Variants in BRINP3 observed in about 807,000 individuals in gnomAD.
The protein encoded by BRINP3 is BMP/retinoic acid inducible neural specific 3.
Under a neutral mutation model 71.0 loss-of-function variants are expected in BRINP3, and 19 were observed. The ratio of observed to expected loss-of-function variants is 0.27; its 90% confidence interval spans 0.19 to 0.39. The LOEUF (loss-of-function observed/expected upper bound fraction) is 0.39, where lower values mean the gene tolerates loss of function less well. Ranked by LOEUF, BRINP3 falls within the 10% of genes least tolerant of loss-of-function variation. The pLI, the probability that BRINP3 is intolerant of heterozygous loss-of-function variation, is 1.00. For missense variants in BRINP3, 959 were observed against 940.8 expected, an observed-to-expected ratio of 1.02 and a Z score of -0.25; for synonymous variants, 380 against 337.7, an observed-to-expected ratio of 1.13 and a Z score of -1.37.
chr1:190,339,688 T>TA (rs1304857915), intron 2 of BRINP3, among the ~76,000 whole-genome samples: 1 of 151,908 alleles, frequency 6.6e-6, no homozygotes, highest in African/African-American at 2.4e-5. Context: ...CCGTACTATT[T>TA]AAAAAATATT....
chr1:190,388,100 G>A (rs1186644283), intron 2 of BRINP3, among the ~76,000 whole-genome samples: 3 of 151,684 alleles, frequency 2.0e-5, no homozygotes, highest in Non-Finnish European at 2.9e-5. Flanking sequence ...ATATATGTGC[G>A]AGTAGAGGCT....
chr1:190,344,983 G>T (rs2103125103), intron 2 of BRINP3, among the ~76,000 whole-genome samples: 1 of 151,908 alleles, frequency 6.6e-6, no homozygotes, highest in South Asian at 2.1e-4. Context: ...TATTGAATAT[G>T]CATTACGTAC....
At chr1:190,345,930 T>C (rs1435511285) in intron 2 of BRINP3, among the ~76,000 whole-genome samples, 1 of 151,884 alleles carries the variant, frequency 6.6e-6, no homozygotes, top group Non-Finnish European at 1.5e-5. Flanking sequence ...AAAATAAAGA[T>C]AGCTTAAATA....
intron 2 of BRINP3, among the ~76,000 whole-genome samples, chr1:190,332,094 T>G (rs2103082802): frequency 6.6e-6 from 1 of 152,182 alleles, no homozygotes; most frequent in Non-Finnish European, 1.5e-5. Flanking sequence ...TTTTAAGCTA[T>G]TTTTTCCAAT....
At chr1:190,220,054 T>TG (rs1461366505) in intron 6 of BRINP3, among the ~76,000 whole-genome samples, 1 of 151,754 alleles carries the variant, frequency 6.6e-6, no homozygotes, top group African/African-American at 2.4e-5. Flanking sequence ...AAATAAATAA[T>TG]GAAAAACTGT....
At chr1:190,297,197 T>C (rs931209893) in intron 2 of BRINP3, among the ~76,000 whole-genome samples, 2 of 152,032 alleles carry the variant, frequency 1.3e-5, no homozygotes, top group Non-Finnish European at 1.5e-5. Context: ...GGTACTTGTA[T>C]AACAAGACAC....
intron 6 of BRINP3, among the ~76,000 whole-genome samples, chr1:190,192,789 C>A (rs1439054137): frequency 6.6e-6 from 1 of 151,962 alleles, no homozygotes; most frequent in Non-Finnish European, 1.5e-5. Flanking sequence ...TTCTGCAAAC[C>A]AGGCTCAATA....
At chr1:190,459,928 C>G (rs1318355036) in intron 1 of BRINP3, among the ~76,000 whole-genome samples, 1 of 151,848 alleles carries the variant, frequency 6.6e-6, no homozygotes, top group Non-Finnish European at 1.5e-5. Flanking sequence ...TATTATCACT[C>G]TCTGTCTCTT....
At chr1:190,177,308 G>A (rs906174922) in intron 6 of BRINP3, among the ~76,000 whole-genome samples, 5 of 147,782 alleles carry the variant, frequency 3.4e-5, no homozygotes, top group Non-Finnish European at 3.0e-5. Flanking sequence ...GACTACAGGC[G>A]CCCATTACCA....
At position 190,101,931 on chromosome 1, in the gene BRINP3, T is replaced by C. The variant is rs146567649; in HGVS notation, c.1185-2797A>G. Among the ~76,000 whole-genome samples, 522 of 152,308 alleles carry C rather than the reference T, an allele frequency of 3.4e-3. 4 individuals carry two copies. The highest frequency in any genetic ancestry group is 0.012 in the African/African-American group (497 of 41,580). On this transcript the variant is annotated intron_variant, in intron 7 of 7. Transcript: ENST00000367462. ...CTTTGCATGTCTGGCAAATACATTA[T>C]GGAAGGAAAGCGTTTCGGCTGTTGG...
chr1:190,301,194 T>TATACAC (rs1273747512), intron 2 of BRINP3, among the ~76,000 whole-genome samples: 1 of 59,372 alleles, frequency 1.7e-5, no homozygotes, highest in East Asian at 7.1e-4. Flanking sequence ...TATGTATATA[T>TATACAC]ATACACATAC....
intron 2 of BRINP3, among the ~76,000 whole-genome samples, chr1:190,340,989 G>A (rs1667620761): frequency 6.6e-6 from 1 of 151,764 alleles, no homozygotes; most frequent in African/African-American, 2.4e-5. Flanking sequence ...CTCTTGTGCA[G>A]TTTATACTCT....
At chr1:190,467,565 A>G (rs1676844258) in intron 1 of BRINP3, among the ~76,000 whole-genome samples, 1 of 151,484 alleles carries the variant, frequency 6.6e-6, no homozygotes, top group Non-Finnish European at 1.5e-5. Context: ...AGAGGCTTGG[A>G]TAGCCCAAAT....
At chr1:190,104,894 C>T (rs1435314216) in intron 7 of BRINP3, among the ~76,000 whole-genome samples, 1 of 152,076 alleles carries the variant, frequency 6.6e-6, no homozygotes, top group Non-Finnish European at 1.5e-5. Context: ...AATGTGGATA[C>T]AAACTTTAAA....
chr1:190,273,345 C>A (rs944544875), intron 3 of BRINP3, among the ~76,000 whole-genome samples: 3 of 151,448 alleles, frequency 2.0e-5, no homozygotes, highest in African/African-American at 7.3e-5. Flanking sequence ...CAAAGGACAT[C>A]CACACATTTT....
intron 2 of BRINP3, among the ~76,000 whole-genome samples, chr1:190,327,608 T>A (rs1488695231): frequency 6.6e-6 from 1 of 152,022 alleles, no homozygotes; most frequent in East Asian, 1.9e-4. Context: ...GAATTTGCTA[T>A]CTAAACATAT....
Position 190,098,975 on chromosome 1 carries a change from G to A in BRINP3, c.1344C>T (p.Ala448=), listed in dbSNP as rs758273972. ...GGTTGTCTGGTGCGCATGTCAGGCA[G>A]GCAGAGGCGTCTCCCACTGTGCAGG... ...FLPCTVGDAS[A]CLTCAPDNRT... is the part of the protein sequence containing the mutation. Residue 448 remains alanine, a synonymous_variant, in exon 8 of 8, where the codon GCC becomes GCT. Coordinates refer to ENST00000367462, the MANE Select transcript of BRINP3 (RefSeq NM_199051.3). 1 of 1,614,172 alleles carries A rather than the reference G, an allele frequency of 6.2e-7. No homozygotes were observed.
At chr1:190,359,428 C>T (rs1337882007) in intron 2 of BRINP3, among the ~76,000 whole-genome samples, 4 of 152,038 alleles carry the variant, frequency 2.6e-5, no homozygotes, top group Non-Finnish European at 5.9e-5. Flanking sequence ...ACCATGTAGA[C>T]ATTTATCAAT....
chr1:190,230,162 A>G lies in BRINP3; in HGVS notation c.725-3844T>C, dbSNP rs533871194. 4.6e-4 allele frequency among the ~76,000 whole-genome samples: 70 copies of G among 152,114 alleles called. 1 individual carries two copies. The highest frequency in any genetic ancestry group is 1.6e-3 in the African/African-American group (65 of 41,522). ...GATATGAAATACAGAAAATAGCATA[A>G]AAGATTTGTGTTATGATGGAAAGGC... On this transcript the variant is annotated intron_variant, in intron 5 of 7. Coordinates refer to ENST00000367462, the MANE Select transcript of BRINP3 (RefSeq NM_199051.3).
Sources: allele counts gnomAD v4.1 joint callset (sites outside exome capture counted in the v4.1 genomes callset), GRCh38; gene constraint gnomAD v4.1.1; transcripts MANE v1.5; gene names NCBI Gene and HGNC (gene_info 2026-07-23, HGNC 2026-07-21).